Variants in TGIF1 observed in about 807,000 individuals in gnomAD.
TGIF1 encodes the protein TGFB induced factor homeobox 1.
In TGIF1, 4 loss-of-function variants were observed where a neutral mutation model predicts 19.3. The ratio of observed to expected loss-of-function variants is 0.21; its 90% confidence interval spans 0.10 to 0.47. The LOEUF is 0.47. Ranked by LOEUF, TGIF1 falls within the 20% of genes least tolerant of loss-of-function variation. TGIF1 has a pLI of 0.98. For synonymous variants in TGIF1, 122 were observed against 129.3 expected (o/e 0.94, Z 0.38); for missense variants, 275 against 341.4 (o/e 0.81, Z 1.53).
chr18:3,450,204 G>C lies in TGIF1; in HGVS notation c.-286G>C. ...CAGCGCCGAGGTGCGCCGAGCAGGA[G>C]CAGGGAACAAAGGAGCGGAGAGGGG... On this transcript the variant is annotated 5_prime_UTR_variant, in exon 1 of 3. Transcript: ENST00000343820. The C allele has an allele frequency of 7.2e-7, 1 of 1,379,594 alleles. No homozygotes were observed. Among genetic ancestry groups the C allele is most frequent in the East Asian group, 2.8e-5 (1 of 36,172 alleles). The allele number at this position is 1,379,594 out of a possible 1,614,324, so 85.5% of individuals were successfully genotyped here.
At chr18:3,435,765 A>G (rs117258190) in intron 2 of TGIF1, among the ~76,000 whole-genome samples, 260 of 152,304 alleles carry the variant, frequency 1.7e-3, no homozygotes, top group Non-Finnish European at 3.1e-3. Flanking sequence ...AACTTTGCAT[A>G]TGCATTGATG....
chr18:3,452,305 G>A, intron 1 of TGIF1: 2 of 1,612,760 alleles, frequency 1.2e-6, no homozygotes, highest in Middle Eastern at 1.7e-4. Context: ...CGGCCGCATC[G>A]GTGGGAACTT....
Position 3,450,380 on chromosome 18 carries a change from C to T in TGIF1, c.-110C>T, listed in dbSNP as rs1045816171. 2.6e-6 allele frequency: 4 copies of T among 1,539,548 alleles called. No individual in the cohort carries two copies. Among genetic ancestry groups the T allele is most frequent in the Non-Finnish European group, 2.6e-6 (3 of 1,140,752 alleles). On this transcript the variant is annotated 5_prime_UTR_variant, in exon 1 of 3. Transcript: ENST00000343820. ...GCAATAACGGCTGGAGCACGTCCTACAAGTTACGGGAGAGTCGGCTGTGAA... is the reference window on the plus strand; with the variant it reads ...GCAATAACGGCTGGAGCACGTCCTATAAGTTACGGGAGAGTCGGCTGTGAA...
rs1245778008 is a variant in TGIF1, at chr18:3,458,780, CGCAA to C, written c.*845_*848del. On this transcript the variant is annotated 3_prime_UTR_variant, in exon 3 of 3. Coordinates refer to ENST00000343820, the MANE Select transcript of TGIF1 (RefSeq NM_003244.4). ...TTGCTGAGTTTTCAGAAGAAAACAA[CGCAA>C]GCAATCTCTTGCCCTTTTTCCACGT... The C allele has an allele frequency of 6.6e-6, 1 of 152,190 alleles. No homozygotes were observed. Among genetic ancestry groups the C allele is most frequent in the Non-Finnish European group, 1.5e-5 (1 of 68,042 alleles). 9.4% of individuals were successfully genotyped at this position (152,190 alleles called of 1,614,324 possible).
chr18:3,424,014 T>C (rs934634128), intron 2 of TGIF1, among the ~76,000 whole-genome samples: 1 of 152,164 alleles, frequency 6.6e-6, no homozygotes, highest in Non-Finnish European at 1.5e-5. Flanking sequence ...GTCACCAACA[T>C]TGTGGCGCTT....
intron 1 of TGIF1, chr18:3,452,170 C>G (rs776816609): frequency 6.2e-7 from 1 of 1,613,796 alleles, no homozygotes; most frequent in Non-Finnish European, 8.5e-7. Flanking sequence ...CCCCCAGCGC[C>G]GTGGTCCTCC....
Position 3,451,911 on chromosome 18 carries a change from GTC to G in TGIF1, c.16+1408_16+1409del. On this transcript the variant is annotated intron_variant, in intron 1 of 2. Transcript: ENST00000343820. This position sits in a 1 kb window ranked among gnomAD's most constrained non-coding sequence, Gnocchi z 5.4. The stretch of plus-strand genomic sequence containing the variant: ...TGCCGACCCTTGGGAGGACTGACAG[GTC>G]TAGAGACACGCGCTGTCTGTTGTGG... The G allele has an allele frequency of 6.5e-7, 1 of 1,529,566 alleles. No individual in the cohort carries two copies. Among genetic ancestry groups the G allele is most frequent in the Admixed American group, 2.1e-5 (1 of 47,940 alleles). The allele number at this position is 1,529,566 out of a possible 1,614,324, so 94.7% of individuals were successfully genotyped here. A position where few individuals can be genotyped will look rare whatever the true frequency, so the allele number is the denominator to read the frequency against.
upstream of TGIF1, chr18:3,448,717 C>CTTTTTTTTTTTTTTTTTTTTTTTTTTTT (rs869086299): frequency 8.2e-6 from 2 of 244,904 alleles, 1 homozygote; most frequent in African/African-American, 8.3e-5. Flanking sequence ...GCGGGGGTGT[C>CTTTTTTTTTTTTTTTTTTTTTTTTTTTT]TTTTTTTTTT....
chr18:3,415,318 G>C (rs1192044471), intron 1 of TGIF1: 1 of 316,354 alleles, frequency 3.2e-6, no homozygotes, highest in Non-Finnish European at 6.7e-6. Flanking sequence ...CACACACCTG[G>C]ATGAGCAGAA....
intron 1 of TGIF1, among the ~76,000 whole-genome samples, chr18:3,413,948 T>G (rs2082300454): frequency 6.6e-6 from 1 of 152,176 alleles, no homozygotes; most frequent in Non-Finnish European, 1.5e-5. Context: ...TCTCAGCAAA[T>G]CTTCACAATA....
At chr18:3,427,896 G>A (rs970778277) in intron 2 of TGIF1, among the ~76,000 whole-genome samples, 2 of 152,256 alleles carry the variant, frequency 1.3e-5, no homozygotes, top group South Asian at 2.1e-4. Context: ...CACCACACCC[G>A]GCCTCAGAAT....
chr18:3,412,382 G>A (rs967440874), intron 1 of TGIF1: 4 of 152,046 alleles, frequency 2.6e-5, no homozygotes, highest in African/African-American at 9.7e-5. Flanking sequence ...TAGCACTAGT[G>A]GGAAGCTGAA....
chr18:3,445,786 A>T (rs78749301), upstream of TGIF1, among the ~76,000 whole-genome samples: 2 of 146,278 alleles, frequency 1.4e-5, no homozygotes, highest in Non-Finnish European at 3.0e-5. Flanking sequence ...AAAAAAAAAA[A>T]AGCGCAGACA....
chr18:3,428,431 T>G (rs2082501808), intron 2 of TGIF1, among the ~76,000 whole-genome samples: 1 of 152,108 alleles, frequency 6.6e-6, no homozygotes, highest in Non-Finnish European at 1.5e-5. Flanking sequence ...AAAATTTTTT[T>G]TTTATTTTTA....
At chr18:3,442,611 T>C (rs1319354129) in intron 2 of TGIF1, among the ~76,000 whole-genome samples, 1 of 152,146 alleles carries the variant, frequency 6.6e-6, no homozygotes, top group Non-Finnish European at 1.5e-5. Context: ...AACAGGATTG[T>C]GCAGTAGCTC....
At chr18:3,454,246 G>A (rs1373579012) in intron 1 of TGIF1, among the ~76,000 whole-genome samples, 13 of 152,158 alleles carry the variant, frequency 8.5e-5, no homozygotes, top group Non-Finnish European at 4.4e-5. Flanking sequence ...TGAAAGATCA[G>A]GCTTCTTGTC....
At position 3,457,103 on chromosome 18, in the gene TGIF1, T is replaced by G; in HGVS notation, c.244-262T>G. The G allele has an allele frequency of 1.7e-6, 1 of 579,812 alleles. No individual in the cohort carries two copies. The highest frequency in any genetic ancestry group is 3.1e-5 in the Admixed American group (1 of 32,734). The allele number at this position is 579,812 out of a possible 1,614,324, so 35.9% of individuals were successfully genotyped here. A position where few individuals can be genotyped will look rare whatever the true frequency, so the allele number is the denominator to read the frequency against. ...TTTTAAGCATTTGAGATTGTATGTC[T>G]TTTTCTTCGTCCTGAAAAGGTTTAA... is the stretch of plus-strand genomic sequence containing the variant. On this transcript the variant is annotated intron_variant, in intron 2 of 2. Coordinates refer to ENST00000343820, the MANE Select transcript of TGIF1 (RefSeq NM_003244.4). The surrounding 1 kb of genome is among the most constrained non-coding windows in gnomAD (Gnocchi z 4.9).
chr18:3,448,374 G>T, upstream of TGIF1: 1 of 1,007,208 alleles, frequency 9.9e-7, no homozygotes, highest in Non-Finnish European at 1.2e-6. Flanking sequence ...CTAACGGGCG[G>T]CGGGGGCGCT....
upstream of TGIF1, chr18:3,448,162 T>G (rs2082782091): frequency 1.0e-6 from 1 of 984,478 alleles, no homozygotes; most frequent in Admixed American, 6.2e-5. Context: ...GCTTTCGAAG[T>G]TAGCAAACAA....
Sources: allele counts gnomAD v4.1 joint callset (sites outside exome capture counted in the v4.1 genomes callset), GRCh38; gene constraint gnomAD v4.1.1; non-coding constraint Gnocchi (gnomAD v3.1); transcripts MANE v1.5; gene names NCBI Gene and HGNC (gene_info 2026-07-23, HGNC 2026-07-21).